The following NDRG3 variants were observed in gnomAD, a reference collection of about 807,000 sequenced individuals.
NDRG3 encodes the protein protein NDRG3.
A neutral mutation model predicts 57.2 loss-of-function variants in NDRG3; 23 were observed. That is an observed-to-expected ratio of 0.40 (90% confidence interval 0.29 to 0.57). The LOEUF (loss-of-function observed/expected upper bound fraction) is 0.57. Ranked by LOEUF, NDRG3 falls within the 20% of genes least tolerant of loss-of-function variation. The pLI is 0.42. For synonymous variants in NDRG3, 132 were observed against 162.6 expected (o/e 0.81, Z 1.43); for missense variants, 384 against 457.3 (o/e 0.84, Z 1.46).
chr20:36,680,994 T>C (rs534401697), intron 7 of NDRG3, 92 bp from the exon 8 acceptor site: 1 of 921,198 alleles, frequency 1.1e-6, no homozygotes, highest in East Asian at 2.5e-5. Flanking sequence ...CTTACTTACA[T>C]GCCTTAATGC....
intron 7 of NDRG3, among the ~76,000 whole-genome samples, chr20:36,681,751 G>A (rs1350315880): frequency 6.6e-6 from 1 of 151,616 alleles, no homozygotes; most frequent in Non-Finnish European, 1.5e-5. Context: ...CCAGGCTGGT[G>A]CAGTGATGCT....
intron 1 of NDRG3, among the ~76,000 whole-genome samples, chr20:36,743,398 G>T (rs951194604): frequency 1.3e-5 from 2 of 152,188 alleles, no homozygotes; most frequent in Non-Finnish European, 2.9e-5. Context: ...GGTGGCTGAG[G>T]CAGGAAAATC....
intron 3 of NDRG3, among the ~76,000 whole-genome samples, chr20:36,698,684 T>G (rs374946278): frequency 6.6e-6 from 1 of 152,036 alleles, no homozygotes; most frequent in African/African-American, 2.4e-5. Context: ...ACCTTCTCTA[T>G]AATGTCAAAA....
At chr20:36,660,422 G>A (rs1247607896) in intron 12 of NDRG3, 38 bp from the exon 13 acceptor site, 13 of 1,562,378 alleles carry the variant, frequency 8.3e-6, no homozygotes, top group Middle Eastern at 1.7e-4. Flanking sequence ...AATTTTATGA[G>A]TTGCTAGGAA....
intron 1 of NDRG3, among the ~76,000 whole-genome samples, chr20:36,735,857 C>T (rs1022722698): frequency 6.6e-6 from 1 of 151,482 alleles, no homozygotes; most frequent in Non-Finnish European, 1.5e-5. Flanking sequence ...AGCATGATGG[C>T]GCATGCCTTA....
At chr20:36,723,319 C>A (rs1600956015) in intron 1 of NDRG3, among the ~76,000 whole-genome samples, 1 of 152,112 alleles carries the variant, frequency 6.6e-6, no homozygotes, top group Admixed American at 6.6e-5. Flanking sequence ...TTCTATCTCA[C>A]CATGCAAGAA....
At chr20:36,715,671 G>T (rs564288963) in intron 2 of NDRG3, among the ~76,000 whole-genome samples, 1 of 151,372 alleles carries the variant, frequency 6.6e-6, no homozygotes, top group East Asian at 2.0e-4. Context: ...CTTAAAAATT[G>T]GCCAGGCATG....
intron 8 of NDRG3, among the ~76,000 whole-genome samples, chr20:36,676,940 C>T (rs752627819): frequency 2.0e-5 from 3 of 152,230 alleles, no homozygotes; most frequent in Admixed American, 1.3e-4. Context: ...AGCAGGATCC[C>T]CGCCCTCCTG....
intron 3 of NDRG3, among the ~76,000 whole-genome samples, chr20:36,692,108 C>G (rs1007080751): frequency 6.6e-6 from 1 of 152,156 alleles, no homozygotes; most frequent in Non-Finnish European, 1.5e-5. Flanking sequence ...AAATTAAATT[C>G]AATAAAATAC....
chr20:36,668,982 TC>T, intron 9 of NDRG3, among the ~76,000 whole-genome samples: 1 of 152,078 alleles, frequency 6.6e-6, no homozygotes, highest in Non-Finnish European at 1.5e-5. Context: ...AATTATGGGC[TC>T]AAGTGATCCT....
Position 36,746,079 on chromosome 20 carries a change from AGCGGCG to A in NDRG3, c.-89_-84del, listed in dbSNP as rs11466997. The A allele has an allele frequency of 0.71, 178,770 of 250,404 alleles. 65,062 individuals are homozygous for A. Among genetic ancestry groups the A allele is most frequent in the Middle Eastern group, 0.84 (645 of 772 alleles). The allele number at this position is 250,404 out of a possible 1,614,324, so 15.5% of individuals were successfully genotyped here. On this transcript the variant is annotated 5_prime_UTR_variant, in exon 1 of 16. Transcript: ENST00000349004. Reference sequence around the variant, plus strand: ...GGGCACCCGCCGTCAGTGCAGCAGCAGCGGCGGCGGCGGCGGCGGCGGCGGCGGCGG... The same window carrying A: ...GGGCACCCGCCGTCAGTGCAGCAGCAGCGGCGGCGGCGGCGGCGGCGGCGG...
chr20:36,721,389 C>T (rs1984581245), intron 2 of NDRG3, among the ~76,000 whole-genome samples: 1 of 151,522 alleles, frequency 6.6e-6, no homozygotes, highest in Non-Finnish European at 1.5e-5. Flanking sequence ...ATTAGCTGGG[C>T]GTGATGACAC....
At chr20:36,695,985 T>A (rs906447201) in intron 3 of NDRG3, among the ~76,000 whole-genome samples, 1 of 152,172 alleles carries the variant, frequency 6.6e-6, no homozygotes, top group Non-Finnish European at 1.5e-5. Context: ...TTAAAATTTA[T>A]CTCTTTTGTA....
chr20:36,660,795 C>T (rs1435089151), intron 12 of NDRG3, among the ~76,000 whole-genome samples: 2 of 151,946 alleles, frequency 1.3e-5, no homozygotes, highest in Non-Finnish European at 2.9e-5. Context: ...CTCCTGACCT[C>T]GTGATCCGCC....
At chr20:36,708,089 A>C (rs1282603407) in intron 2 of NDRG3, among the ~76,000 whole-genome samples, 1 of 152,070 alleles carries the variant, frequency 6.6e-6, no homozygotes, top group Non-Finnish European at 1.5e-5. Context: ...ATTTCAAAAA[A>C]AGGAAAAAAA....
intron 1 of NDRG3, among the ~76,000 whole-genome samples, chr20:36,741,890 T>C (rs1568678660): frequency 6.6e-6 from 1 of 152,214 alleles, no homozygotes; most frequent in East Asian, 1.9e-4. Context: ...GTAATGCTGG[T>C]GCACACTAAA....
At chr20:36,701,453 G>C (rs1414179708) in intron 3 of NDRG3, among the ~76,000 whole-genome samples, 1 of 152,008 alleles carries the variant, frequency 6.6e-6, no homozygotes, top group African/African-American at 2.4e-5. Flanking sequence ...GCTGAAGCGG[G>C]AAGATTGCTT....
At chr20:36,662,351 G>A (rs571819724) in intron 12 of NDRG3, among the ~76,000 whole-genome samples, 149 of 151,740 alleles carry the variant, frequency 9.8e-4, no homozygotes, top group Non-Finnish European at 1.2e-3. Flanking sequence ...CCAAGTAGCT[G>A]GGATTACAGG....
At chr20:36,670,970 C>A (rs1297097987) in intron 9 of NDRG3, among the ~76,000 whole-genome samples, 2 of 152,206 alleles carry the variant, frequency 1.3e-5, no homozygotes, top group Non-Finnish European at 2.9e-5. Context: ...AATCTCTAAG[C>A]TTCTTTTAGC....
Sources: gnomAD v4.1 joint callset for allele counts (sites outside exome capture counted in the v4.1 genomes callset) on GRCh38, gnomAD v4.1.1 for gene constraint, MANE v1.5 for transcripts, NCBI Gene and HGNC (gene_info 2026-07-23, HGNC 2026-07-21) for gene names.